The following EPS15 variants were observed in gnomAD, a reference collection of about 807,000 sequenced individuals.
EPS15 encodes epidermal growth factor receptor pathway substrate 15.
A neutral mutation model predicts 113.8 loss-of-function variants in EPS15; 72 were observed. That is an observed-to-expected ratio of 0.63 (90% CI 0.52 to 0.77). The LOEUF (loss-of-function observed/expected upper bound fraction) is 0.77, where lower values mean the gene tolerates loss of function less well. EPS15 is among the 30% of genes least tolerant of loss of function. EPS15 has a pLI of 0.00. For synonymous variants in EPS15, 344 were observed against 363.4 expected (o/e 0.95, Z 0.61); for missense variants, 1,048 against 1,045.8 (o/e 1.00, Z -0.03).
chr1:51,517,826 GGTTA>G (rs1406382363), intron 1 of EPS15, among the ~76,000 whole-genome samples: 6 of 152,196 alleles, frequency 3.9e-5, no homozygotes, highest in East Asian at 3.9e-4. Flanking sequence ...TGCAAACACG[GGTTA>G]GTTATTTTAC....
At chr1:51,506,675 A>C (rs1325740427) in intron 1 of EPS15, among the ~76,000 whole-genome samples, 2 of 152,014 alleles carry the variant, frequency 1.3e-5, no homozygotes, top group Non-Finnish European at 2.9e-5. Context: ...ATTTCAAGCA[A>C]GTATGGCTCA....
chr1:51,495,672 C>G (rs572000565), intron 1 of EPS15, among the ~76,000 whole-genome samples: 4 of 151,000 alleles, frequency 2.6e-5, no homozygotes, highest in African/African-American at 9.7e-5. Flanking sequence ...TTCCAAACAG[C>G]AAAGAATTTG....
chr1:51,461,124 A>C lies in EPS15; in HGVS notation c.528T>G (p.His176Gln). Residue 176 changes from histidine (H) to glutamine (Q), a missense_variant, in exon 8 of 25, where the codon CAT becomes CAG. His to Gln is a conservative substitution (Grantham distance 24). Coordinates refer to ENST00000371733, the MANE Select transcript of EPS15 (RefSeq NM_001981.3). ...ACTCATCTCTGTCAAGCATTCCATC[A>C]TGGTCAATATCACTCAACTCCCAAA... ...GRVWELSDID[H>Q]DGMLDRDEFA... 1 of 1,604,322 alleles carries C rather than the reference A, an allele frequency of 6.2e-7. No homozygotes were observed. The highest frequency in any genetic ancestry group is 8.5e-7 in the Non-Finnish European group (1 of 1,171,054).
In EPS15 at chr1:51,406,112, C is replaced by T. The variant is rs1649104347; in HGVS notation, c.1474-4G>A. 2 of 1,610,912 alleles carry T rather than the reference C, an allele frequency of 1.2e-6. No individual in the cohort carries two copies. The highest frequency in any genetic ancestry group is 1.7e-6 in the Non-Finnish European group (2 of 1,178,370). ...TTTCCATCAGTTTCATTTGCATCTG[C>T]CAACACAAAGAAGAAATATAGAACA... On this transcript the variant is annotated splice_region_variant and splice_polypyrimidine_tract_variant and intron_variant, in intron 15 of 24. Coordinates refer to ENST00000371733, the MANE Select transcript of EPS15 (RefSeq NM_001981.3).
intron 24 of EPS15, 136 bp from the exon 25 acceptor site, chr1:51,356,982 T>C: frequency 1.5e-6 from 1 of 674,752 alleles, no homozygotes; most frequent in Non-Finnish European, 2.4e-6. Context: ...TCTTTTTTTT[T>C]TCCCCCTGAA....
At chr1:51,428,115 T>A (rs1440599520) in intron 12 of EPS15, among the ~76,000 whole-genome samples, 6 of 150,946 alleles carry the variant, frequency 4.0e-5, no homozygotes, top group African/African-American at 9.7e-5. Context: ...AAAAAAAACC[T>A]GTCAACTGAG....
At chr1:51,489,066 C>T (rs2148533796) in intron 1 of EPS15, among the ~76,000 whole-genome samples, 1 of 151,762 alleles carries the variant, frequency 6.6e-6, no homozygotes, top group South Asian at 2.1e-4. Context: ...CACTCTACAC[C>T]ACCTACCCCA....
chr1:51,382,177 GAAT>G (rs1295533495), intron 21 of EPS15: 1 of 152,108 alleles, frequency 6.6e-6, no homozygotes, highest in Non-Finnish European at 1.5e-5. Context: ...TCAACAAACT[GAAT>G]AATATAAATG....
At chr1:51,516,319 CTA>C (rs755341179) in intron 1 of EPS15, among the ~76,000 whole-genome samples, 1 of 152,162 alleles carries the variant, frequency 6.6e-6, no homozygotes, top group East Asian at 1.9e-4. Flanking sequence ...GAATTGTTAA[CTA>C]TTTTTGTTCA....
chr1:51,387,763 G>C (rs1647127240), intron 21 of EPS15, among the ~76,000 whole-genome samples: 1 of 152,092 alleles, frequency 6.6e-6, no homozygotes, highest in African/African-American at 2.4e-5. Context: ...TCAACAAGAA[G>C]AGCTAACTAT....
intron 21 of EPS15, among the ~76,000 whole-genome samples, chr1:51,390,969 T>C (rs1278516155): frequency 5.9e-5 from 9 of 152,230 alleles, no homozygotes; most frequent in Admixed American, 5.2e-4. Context: ...ACTGGGTATA[T>C]ACCCAAAGGA....
chr1:51,502,433 C>T (rs1644429303), intron 1 of EPS15, among the ~76,000 whole-genome samples: 1 of 151,964 alleles, frequency 6.6e-6, no homozygotes, highest in South Asian at 2.1e-4. Flanking sequence ...GCTTCAGGTA[C>T]AAGAAAAGGA....
At chr1:51,473,984 C>T (rs1655423363) in intron 2 of EPS15, among the ~76,000 whole-genome samples, 1 of 152,220 alleles carries the variant, frequency 6.6e-6, no homozygotes, top group South Asian at 2.1e-4. Context: ...TCTTTGCCTA[C>T]TTCCTGATCA....
At chr1:51,409,192 G>A (rs1321620555) in intron 14 of EPS15, among the ~76,000 whole-genome samples, 1 of 152,144 alleles carries the variant, frequency 6.6e-6, no homozygotes. Flanking sequence ...AAAGTGTTGG[G>A]ATTACAGGTG....
intron 1 of EPS15, among the ~76,000 whole-genome samples, chr1:51,485,232 G>A (rs1557515001): frequency 1.3e-5 from 2 of 152,172 alleles, no homozygotes; most frequent in African/African-American, 2.4e-5. Flanking sequence ...GGATAAGACT[G>A]ATACTGAATA....
chr1:51,508,238 G>GAAAAGA (rs770490796), intron 1 of EPS15, among the ~76,000 whole-genome samples: 1,217 of 64,590 alleles, frequency 0.019, 29 homozygotes, highest in African/African-American at 0.06. Flanking sequence ...GAAAAGAAAA[G>GAAAAGA]AAAGAGAGAA....
At chr1:51,463,384 T>G (rs1408263560) in intron 7 of EPS15, 1 of 201,894 alleles carries the variant, frequency 5.0e-6, no homozygotes, top group South Asian at 1.6e-4. Context: ...AGAAATTAAC[T>G]CAAGCAAATA....
intron 21 of EPS15, chr1:51,372,584 A>C: frequency 1.9e-6 from 1 of 521,826 alleles, no homozygotes; most frequent in East Asian, 5.4e-5. Flanking sequence ...CATTGCCATC[A>C]ATGAACTCAA....
intron 12 of EPS15, 21 bp downstream of exon 12, chr1:51,440,321 GTAGGC>G (rs780303601): frequency 2.2e-6 from 2 of 910,106 alleles, no homozygotes; most frequent in Admixed American, 3.6e-5. Flanking sequence ...GTGTATGTGA[GTAGGC>G]TGTAATTTTG....
Sources: allele counts gnomAD v4.1 joint callset (sites outside exome capture counted in the v4.1 genomes callset), GRCh38; gene constraint gnomAD v4.1.1; transcripts MANE v1.5; gene names NCBI Gene and HGNC (gene_info 2026-07-23, HGNC 2026-07-21).